Variants in SLMAP observed in about 807,000 individuals in gnomAD.
SLMAP encodes the protein sarcolemma associated protein, also known as sarcolemmal membrane-associated protein.
In SLMAP, 44 loss-of-function variants were observed where a neutral mutation model predicts 128.8. The observed-to-expected ratio is 0.34, with a 90% CI of 0.27 to 0.44. The LOEUF (loss-of-function observed/expected upper bound fraction) is 0.44, where lower values mean the gene tolerates loss of function less well. SLMAP is among the 20% of genes least tolerant of loss of function. The pLI, the probability that SLMAP is intolerant of heterozygous loss-of-function variation, is 1.00. For missense variants in SLMAP, 787 were observed against 985.3 expected, an observed-to-expected ratio of 0.80 and a Z score of 2.69; for synonymous variants, 327 against 348.8, an observed-to-expected ratio of 0.94 and a Z score of 0.70.
At chr3:57,905,666 G>GTATT (rs1410755964) in intron 17 of SLMAP, among the ~76,000 whole-genome samples, 3 of 152,090 alleles carry the variant, frequency 2.0e-5, no homozygotes, top group African/African-American at 7.2e-5. Flanking sequence ...TATCTGCAAC[G>GTATT]TATTTATTTG....
At chr3:57,797,995 C>T (rs1560024314) in intron 2 of SLMAP, among the ~76,000 whole-genome samples, 1 of 152,108 alleles carries the variant, frequency 6.6e-6, no homozygotes, top group Admixed American at 6.5e-5. Context: ...GGTTGTTTTT[C>T]ATTTGTAAAG....
intron 2 of SLMAP, among the ~76,000 whole-genome samples, chr3:57,762,901 T>A (rs2078978459): frequency 6.6e-6 from 1 of 151,970 alleles, no homozygotes; most frequent in African/African-American, 2.4e-5. Context: ...TTTTTTGTAT[T>A]TTTAGTAGAG....
At chr3:57,782,037 G>A (rs2083197699) in intron 2 of SLMAP, among the ~76,000 whole-genome samples, 1 of 152,054 alleles carries the variant, frequency 6.6e-6, no homozygotes, top group South Asian at 2.1e-4. Flanking sequence ...TTAAAAGAAA[G>A]CATGTTTAGC....
At position 57,929,351 on chromosome 3, in the gene SLMAP, T is replaced by C. The variant is rs964600868; in HGVS notation, c.*2062T>C. Among the ~76,000 whole-genome samples, 3 of 152,218 alleles carry C rather than the reference T, an allele frequency of 2.0e-5. No homozygotes were observed. The highest frequency in any genetic ancestry group is 7.2e-5 in the African/African-American group (3 of 41,468). On this transcript the variant is annotated 3_prime_UTR_variant, in exon 25 of 25. Coordinates refer to ENST00000671191, the MANE Select transcript of SLMAP (RefSeq NM_001377540.1). ...ATTAACCTTTTATTTAACTTACTGC[T>C]TTATTTTTTTCTCTTTTAATATGGT...
chr3:57,834,763 T>C (rs984380886), intron 3 of SLMAP, among the ~76,000 whole-genome samples: 2 of 152,130 alleles, frequency 1.3e-5, no homozygotes, highest in Non-Finnish European at 2.9e-5. Flanking sequence ...GATAAAGATA[T>C]AGATACAAAA....
intron 2 of SLMAP, among the ~76,000 whole-genome samples, chr3:57,778,570 C>CTTTTTTTTT (rs1171049495): frequency 2.9e-4 from 33 of 115,112 alleles, no homozygotes; most frequent in Non-Finnish European, 3.9e-4. Context: ...TTCTTTCTTT[C>CTTTTTTTTT]TTTTTTTTTT....
At chr3:57,908,113 T>C in intron 18 of SLMAP, 107 bp downstream of exon 18, 2 of 996,868 alleles carry the variant, frequency 2.0e-6, no homozygotes, top group Admixed American at 2.4e-5. Flanking sequence ...TTCACAACTT[T>C]ATGAGATATG....
At chr3:57,773,311 T>A (rs2081239791) in intron 2 of SLMAP, among the ~76,000 whole-genome samples, 2 of 152,230 alleles carry the variant, frequency 1.3e-5, no homozygotes, top group South Asian at 4.1e-4. Context: ...AACATCAGTG[T>A]CATCAATAGG....
chr3:57,796,321 A>T (rs1213796876), intron 2 of SLMAP, among the ~76,000 whole-genome samples: 1 of 152,220 alleles, frequency 6.6e-6, no homozygotes, highest in African/African-American at 2.4e-5. Flanking sequence ...ATTTGTAATA[A>T]ACTTCCAGGA....
intron 2 of SLMAP, 76 bp downstream of exon 2, chr3:57,757,925 T>C (rs2077885700): frequency 2.4e-6 from 3 of 1,273,794 alleles, no homozygotes; most frequent in Non-Finnish European, 3.4e-6. Context: ...AGAGGACTAA[T>C]GTATGCAGGA....
chr3:57,831,728 G>A (rs1250180752), intron 3 of SLMAP, among the ~76,000 whole-genome samples, 198 bp downstream of exon 3: 10 of 152,078 alleles, frequency 6.6e-5, no homozygotes. Flanking sequence ...TTATTTAGTA[G>A]TTTATATTCT....
intron 2 of SLMAP, among the ~76,000 whole-genome samples, chr3:57,822,689 C>T (rs936082712): frequency 2.0e-5 from 3 of 152,108 alleles, no homozygotes; most frequent in African/African-American, 7.2e-5. Context: ...GCGTTTGGGA[C>T]CTTTAAAAAT....
chr3:57,912,414 A>C lies in SLMAP; in HGVS notation c.1733A>C (p.Asn578Thr). The C allele has an allele frequency of 6.2e-7, 1 of 1,613,262 alleles. No individual in the cohort carries two copies. Among genetic ancestry groups the C allele is most frequent in the Non-Finnish European group, 8.5e-7 (1 of 1,179,204 alleles). ...QLQRLHIDTE[N>T]LREEKDSEIT... ...CAGAGGTTACACATCGATACTGAGA[A>C]TCTCCGGGAGGAGAAGGACAGTGAA... The change falls in exon 20 of 25, where the codon AAT becomes ACT. Residue 578 changes from asparagine (N) to threonine (T), a missense_variant. Physicochemically the swap from Asn to Thr is moderately conservative, Grantham distance 65 (BLOSUM62 0). Coordinates refer to ENST00000671191, the MANE Select transcript of SLMAP (RefSeq NM_001377540.1).
chr3:57,762,807 C>A (rs561501389), intron 2 of SLMAP, among the ~76,000 whole-genome samples: 14 of 151,458 alleles, frequency 9.2e-5, no homozygotes, highest in Non-Finnish European at 1.6e-4. Context: ...CCTCTCCCTC[C>A]TGGGTTCAAG....
At chr3:57,879,184 G>T (rs1395200451) in intron 14 of SLMAP, among the ~76,000 whole-genome samples, 1 of 152,124 alleles carries the variant, frequency 6.6e-6, no homozygotes, top group Non-Finnish European at 1.5e-5. Context: ...TGAGTGTATT[G>T]TTTGTATTGT....
chr3:57,769,414 C>T (rs1343945571), intron 2 of SLMAP, among the ~76,000 whole-genome samples: 2 of 151,982 alleles, frequency 1.3e-5, no homozygotes, highest in Non-Finnish European at 2.9e-5. Flanking sequence ...AGGATGGTCT[C>T]GATCTCCTGA....
intron 2 of SLMAP, among the ~76,000 whole-genome samples, chr3:57,806,373 G>A (rs1178480150): frequency 1.3e-5 from 2 of 152,094 alleles, no homozygotes; most frequent in Non-Finnish European, 1.5e-5. Flanking sequence ...TCCCTGCAGA[G>A]GATATGATCT....
intron 3 of SLMAP, among the ~76,000 whole-genome samples, chr3:57,839,967 C>T (rs929799846): frequency 8.5e-5 from 13 of 152,188 alleles, no homozygotes; most frequent in African/African-American, 1.2e-4. Context: ...GGATTACAGG[C>T]GTAAGCCACT....
chr3:57,819,998 C>T (rs2092354281), intron 2 of SLMAP, among the ~76,000 whole-genome samples: 2 of 152,076 alleles, frequency 1.3e-5, no homozygotes, highest in African/African-American at 4.8e-5. Flanking sequence ...GCGATCCTTC[C>T]CCTCCACCTC....
Sources: allele counts gnomAD v4.1 joint callset (sites outside exome capture counted in the v4.1 genomes callset), GRCh38; gene constraint gnomAD v4.1.1; transcripts MANE v1.5; gene names NCBI Gene and HGNC (gene_info 2026-07-23, HGNC 2026-07-21).